The following TMEM178B variants were observed in gnomAD, a reference collection of about 807,000 sequenced individuals.
TMEM178B encodes transmembrane protein 178B.
A neutral mutation model predicts 31.0 loss-of-function variants in TMEM178B; 5 were observed. The observed-to-expected ratio is 0.16, with a 90% CI of 0.08 to 0.34. TMEM178B has a LOEUF of 0.34. TMEM178B is among the 10% of genes least tolerant of loss of function. The pLI is 1.00. For missense variants in TMEM178B, 275 were observed against 400.3 expected, an observed-to-expected ratio of 0.69 and a Z score of 2.67; for synonymous variants, 164 against 164.0, an observed-to-expected ratio of 1.00 and a Z score of 0.00.
chr7:141,289,714 C>A (rs80314186), intron 2 of TMEM178B, among the ~76,000 whole-genome samples: 1,265 of 91,238 alleles, frequency 0.014, no homozygotes, highest in Middle Eastern at 0.019. Flanking sequence ...GACCCTGTCT[C>A]AAAAAAAAAA....
At chr7:141,317,492 C>T (rs1302329048) in intron 2 of TMEM178B, among the ~76,000 whole-genome samples, 1 of 152,152 alleles carries the variant, frequency 6.6e-6, no homozygotes, top group African/African-American at 2.4e-5. Flanking sequence ...GCGTAAACAA[C>T]TTAAAACAGG....
intron 2 of TMEM178B, chr7:141,416,153 A>G (rs1264684422): frequency 6.5e-6 from 1 of 152,972 alleles, no homozygotes; most frequent in Admixed American, 6.5e-5. Flanking sequence ...AGCAGGCAGG[A>G]CAGTGAGTTC....
chr7:141,455,954 G>T (rs1279810064), intron 3 of TMEM178B, among the ~76,000 whole-genome samples: 3 of 152,342 alleles, frequency 2.0e-5, no homozygotes, highest in East Asian at 3.9e-4. Context: ...ATCAGATAGG[G>T]CAGAAGCCGG....
chr7:141,457,413 C>T (rs1801984846), intron 3 of TMEM178B, among the ~76,000 whole-genome samples: 1 of 152,082 alleles, frequency 6.6e-6, no homozygotes, highest in Admixed American at 6.5e-5. Context: ...TGTGTGTATA[C>T]ATGTGTAGAT....
chr7:141,509,116 C>A, the TMEM178B span, among the ~76,000 whole-genome samples: 1 of 152,150 alleles, frequency 6.6e-6, no homozygotes, highest in Non-Finnish European at 1.5e-5. Context: ...TACATGTGTA[C>A]ATTCATAGAC....
chr7:141,214,080 T>C lies in TMEM178B; in HGVS notation c.496+1376T>C, dbSNP rs142965148. ...TAGAGACACTAGTCATCAGGGTTAT[T>C]AATTTCCTTTTCAAGGTAGACATGT... On this transcript the variant is annotated intron_variant, in intron 2 of 3. Transcript: ENST00000565468. Among the ~76,000 whole-genome samples the C allele has an allele frequency of 3.6e-4, 55 of 152,308 alleles. 2 individuals carry two copies. The East Asian group carries it at 6.7e-3, about 19-fold the overall frequency.
rs1441931773 is a variant in TMEM178B at position 141,475,220 on chromosome 7, C to G, written c.*4434C>G. On this transcript the variant is annotated 3_prime_UTR_variant, in exon 4 of 4. Coordinates refer to ENST00000565468, the MANE Select transcript of TMEM178B (RefSeq NM_001195278.2). ...CATCTTCCAGCTGGTGTGGGATAGACTAAGGGGGCAGATTTTTAAGAACCC... is the reference window on the plus strand; with the variant it reads ...CATCTTCCAGCTGGTGTGGGATAGAGTAAGGGGGCAGATTTTTAAGAACCC... 6.6e-6 allele frequency: 1 copy of G among 152,106 alleles called. No individual in the cohort carries two copies. Among genetic ancestry groups the G allele is most frequent in the Admixed American group, 6.6e-5 (1 of 15,264 alleles). The allele number at this position is 152,106 out of a possible 1,614,324, so 9.4% of individuals were successfully genotyped here.
chr7:141,357,075 A>G (rs925025119), intron 2 of TMEM178B, among the ~76,000 whole-genome samples: 2 of 152,196 alleles, frequency 1.3e-5, no homozygotes, highest in African/African-American at 4.8e-5. Context: ...GTATTGCAAT[A>G]TTGGTTCAGA....
chr7:141,144,031 T>C (rs988347178), intron 1 of TMEM178B, among the ~76,000 whole-genome samples: 4 of 152,214 alleles, frequency 2.6e-5, no homozygotes, highest in Non-Finnish European at 4.4e-5. Flanking sequence ...TTGAATGTTA[T>C]TGGTGTCTAG....
At chr7:141,301,043 G>A (rs527982572) in intron 2 of TMEM178B, among the ~76,000 whole-genome samples, 1 of 152,230 alleles carries the variant, frequency 6.6e-6, no homozygotes, top group East Asian at 1.9e-4. Flanking sequence ...CCCAACTGCA[G>A]AGGAACACTT....
At chr7:141,095,304 C>T (rs540403857) in intron 1 of TMEM178B, among the ~76,000 whole-genome samples, 2 of 152,256 alleles carry the variant, frequency 1.3e-5, no homozygotes, top group Non-Finnish European at 2.9e-5. Flanking sequence ...AATTTGGAAA[C>T]CATGTGAGAA....
At chr7:141,128,630 T>C (rs991389530) in intron 1 of TMEM178B, among the ~76,000 whole-genome samples, 1 of 151,878 alleles carries the variant, frequency 6.6e-6, no homozygotes, top group African/African-American at 2.4e-5. Flanking sequence ...ACATTAATAG[T>C]GCATGGGGTT....
intron 2 of TMEM178B, among the ~76,000 whole-genome samples, chr7:141,316,480 G>C (rs1755537016): frequency 6.6e-6 from 1 of 152,170 alleles, no homozygotes; most frequent in South Asian, 2.1e-4. Context: ...ATGATTATAA[G>C]TGAATCAGAG....
At chr7:141,128,674 G>A (rs1474230916) in intron 1 of TMEM178B, among the ~76,000 whole-genome samples, 1 of 152,106 alleles carries the variant, frequency 6.6e-6, no homozygotes, top group Non-Finnish European at 1.5e-5. Flanking sequence ...AGAATTCCGG[G>A]GCCCACGATG....
intron 2 of TMEM178B, among the ~76,000 whole-genome samples, chr7:141,427,789 T>C (rs1033808672): frequency 6.6e-6 from 1 of 152,094 alleles, no homozygotes; most frequent in African/African-American, 2.4e-5. Flanking sequence ...AGAAAATAGC[T>C]ACAAACTATA....
At chr7:141,365,506 T>A (rs1799989154) in intron 2 of TMEM178B, among the ~76,000 whole-genome samples, 1 of 152,130 alleles carries the variant, frequency 6.6e-6, no homozygotes, top group African/African-American at 2.4e-5. Context: ...GTCTATAAAA[T>A]GGGGATTGTA....
At chr7:141,487,450 A>G in the TMEM178B span, among the ~76,000 whole-genome samples, 1 of 152,234 alleles carries the variant, frequency 6.6e-6, no homozygotes, top group South Asian at 2.1e-4. Flanking sequence ...GTGGCCTAAA[A>G]GACTTTGAGC....
Position 141,470,969 on chromosome 7 carries a change from T to A in TMEM178B, c.*183T>A. 1 of 199,362 alleles carries A rather than the reference T, an allele frequency of 5.0e-6. No individual in the cohort carries two copies. Among genetic ancestry groups the A allele is most frequent in the Non-Finnish European group, 9.3e-6 (1 of 107,490 alleles). The allele number at this position is 199,362 out of a possible 1,614,324, so 12.3% of individuals were successfully genotyped here. On this transcript the variant is annotated 3_prime_UTR_variant, in exon 4 of 4. Coordinates refer to ENST00000565468, the MANE Select transcript of TMEM178B (RefSeq NM_001195278.2). ...TGAGATGGGGAAAGTTTTTCCATCCTGTGGCTCTTCCATCAGTTCTTGACT... is the reference window on the plus strand; with the variant it reads ...TGAGATGGGGAAAGTTTTTCCATCCAGTGGCTCTTCCATCAGTTCTTGACT...
At chr7:141,370,648 A>G (rs572161034) in intron 2 of TMEM178B, among the ~76,000 whole-genome samples, 1 of 152,342 alleles carries the variant, frequency 6.6e-6, no homozygotes, top group East Asian at 1.9e-4. Flanking sequence ...AGAGATTTGG[A>G]CAGGACTTGC....
Sources: gnomAD v4.1 joint callset for allele counts (sites outside exome capture counted in the v4.1 genomes callset) on GRCh38, gnomAD v4.1.1 for gene constraint, MANE v1.5 for transcripts, NCBI Gene and HGNC (gene_info 2026-07-23, HGNC 2026-07-21) for gene names.